POC5: variants seen among roughly 807,000 people sequenced by gnomAD.
The protein encoded by POC5 is POC5 centriolar protein.
A neutral mutation model predicts 62.9 loss-of-function variants in POC5; 48 were observed. The observed-to-expected ratio is 0.76, with a 90% CI of 0.61 to 0.97. The LOEUF is 0.97. Ranked by LOEUF, POC5 falls within the 50% of genes least tolerant of loss-of-function variation. POC5 has a pLI of 0.00. For missense variants in POC5, 696 were observed against 679.5 expected (o/e 1.02, Z -0.27); for synonymous variants, 236 against 228.2 (o/e 1.03, Z -0.31).
chr5:75,703,412 G>A (rs1776979279), intron 4 of POC5, among the ~76,000 whole-genome samples: 1 of 151,984 alleles, frequency 6.6e-6, no homozygotes, highest in Non-Finnish European at 1.5e-5. Context: ...TGAATCATGA[G>A]GTCCAGAGAT....
At chr5:75,692,829 C>T (rs992144843) in intron 6 of POC5, among the ~76,000 whole-genome samples, 1 of 151,956 alleles carries the variant, frequency 6.6e-6, no homozygotes, top group African/African-American at 2.4e-5. Flanking sequence ...CTCCTATATA[C>T]ACCATGTCTT....
chr5:75,679,573 G>GA (rs1775798064), intron 10 of POC5, among the ~76,000 whole-genome samples: 1 of 152,084 alleles, frequency 6.6e-6, no homozygotes, highest in South Asian at 2.1e-4. Flanking sequence ...GGAGAGTTTG[G>GA]AAATAATTCA....
chr5:75,690,733 G>A (rs940340470), intron 7 of POC5, among the ~76,000 whole-genome samples, 171 bp from the exon 8 acceptor site: 1 of 152,182 alleles, frequency 6.6e-6, no homozygotes, highest in African/African-American at 2.4e-5. Context: ...GGTTAAGCAA[G>A]CTACGTAGTT....
At chr5:75,682,128 G>T (rs542704059) in intron 10 of POC5, among the ~76,000 whole-genome samples, 3 of 152,346 alleles carry the variant, frequency 2.0e-5, no homozygotes, top group Admixed American at 2.0e-4. Context: ...GTGGGATAGG[G>T]CAGACAGGGA....
chr5:75,701,283 C>T (rs1487158798), intron 5 of POC5, among the ~76,000 whole-genome samples: 12,756 of 114,988 alleles, frequency 0.11, 903 homozygotes, highest in South Asian at 0.15. Flanking sequence ...ATGTTTATTG[C>T]GGCATTATTC....
intron 11 of POC5, among the ~76,000 whole-genome samples, chr5:75,674,835 G>A (rs748051494): frequency 4.6e-5 from 7 of 152,144 alleles, no homozygotes; most frequent in South Asian, 2.1e-4. Flanking sequence ...AGAAAGCCAC[G>A]GCAGCCATTC....
At chr5:75,694,351 A>T (rs1346002825) in intron 6 of POC5, among the ~76,000 whole-genome samples, 2 of 152,200 alleles carry the variant, frequency 1.3e-5, no homozygotes, top group South Asian at 2.1e-4. Flanking sequence ...TTTTAAAAAA[A>T]AATTTTTTTT....
chr5:75,694,813 G>A lies in POC5; in HGVS notation c.532C>T (p.Leu178=). The A allele has an allele frequency of 1.3e-6, 2 of 1,541,230 alleles. No homozygotes were observed. Among genetic ancestry groups the A allele is most frequent in the Non-Finnish European group, 1.8e-6 (2 of 1,130,160 alleles). ...ATAAAATTAAGTCTCCATTTACTTA[G>A]TTCAGATATGATGTTTGTCTGAAAA... The part of the protein sequence containing the change: ...SGLKTNIISE[L]SKWRLNFIDW... The change falls in exon 6 of 12, where the codon CTA becomes TTA. Residue 178 remains leucine, a synonymous_variant. Coordinates refer to ENST00000428202, the MANE Select transcript of POC5 (RefSeq NM_001099271.2).
chr5:75,704,605 C>A (rs1043781799), intron 4 of POC5, among the ~76,000 whole-genome samples: 10 of 152,164 alleles, frequency 6.6e-5, no homozygotes, highest in Non-Finnish European at 1.0e-4. Flanking sequence ...CCAACTAGAT[C>A]TGTACTCACA....
chr5:75,695,752 C>T (rs938516025), intron 5 of POC5, among the ~76,000 whole-genome samples: 3 of 152,156 alleles, frequency 2.0e-5, no homozygotes, highest in Non-Finnish European at 4.4e-5. Flanking sequence ...CAGCTCCCAG[C>T]GTGAGCAATG....
At position 75,685,578 on chromosome 5, in the gene POC5, T is replaced by C. The variant is rs147056738; in HGVS notation, c.1130-94A>G. 2.5e-3 allele frequency: 3,293 copies of C among 1,336,840 alleles called. 6 individuals are homozygous for C. The highest frequency in any genetic ancestry group is 2.8e-3 in the Non-Finnish European group (2,778 of 975,704). 82.8% of individuals were successfully genotyped at this position (1,336,840 alleles called of 1,614,324 possible). On this transcript the variant is annotated intron_variant, in intron 9 of 11. Transcript: ENST00000428202. ...AAAACACATACTGGCTAAAGTTTGG[T>C]CCTAACAAAAATTTAGATGTTTACA...
intron 1 of POC5, among the ~76,000 whole-genome samples, chr5:75,714,137 T>G (rs1002429561): frequency 2.6e-5 from 4 of 152,188 alleles, no homozygotes; most frequent in Admixed American, 6.5e-5. Flanking sequence ...CCTAGCACTT[T>G]GGGAGGCTGA....
At chr5:75,717,259 G>C (rs986008494) in intron 1 of POC5, 47 bp downstream of exon 1, 6 of 152,202 alleles carry the variant, frequency 3.9e-5, no homozygotes, top group African/African-American at 1.4e-4. Flanking sequence ...CACTACTTTC[G>C]CCAGGGATGC....
At chr5:75,716,832 G>A (rs1243073719) in intron 1 of POC5, among the ~76,000 whole-genome samples, 1 of 152,198 alleles carries the variant, frequency 6.6e-6, no homozygotes, top group African/African-American at 2.4e-5. Context: ...GAATTAACAT[G>A]CAAACTAGCA....
Position 75,685,200 on chromosome 5 carries a change from T to C in POC5, c.1407+7A>G. The stretch of plus-strand genomic sequence containing the variant: ...CATAAGGTGGGACCTGTATAAACTG[T>C]ACTAACCATTTCTTCTGATGCAGCA... On this transcript the variant is annotated splice_region_variant and intron_variant, in intron 10 of 11. Transcript: ENST00000428202. The C allele has an allele frequency of 1.3e-6, 2 of 1,599,624 alleles. No individual in the cohort carries two copies. Among genetic ancestry groups the C allele is most frequent in the South Asian group, 1.1e-5 (1 of 89,274 alleles).
intron 10 of POC5, among the ~76,000 whole-genome samples, chr5:75,683,980 A>AG (rs1775973258): frequency 6.6e-6 from 1 of 152,218 alleles, no homozygotes; most frequent in African/African-American, 2.4e-5. Flanking sequence ...CTGGGATTAC[A>AG]GGTGTGAGCC....
intron 10 of POC5, among the ~76,000 whole-genome samples, chr5:75,680,714 C>G (rs1775836363): frequency 6.6e-6 from 1 of 151,690 alleles, no homozygotes; most frequent in African/African-American, 2.4e-5. Context: ...GAAAGAAAAA[C>G]CTAGAAGGAT....
At chr5:75,716,383 T>TA (rs1347540875) in intron 1 of POC5, among the ~76,000 whole-genome samples, 2 of 50,360 alleles carry the variant, frequency 4.0e-5, no homozygotes, top group African/African-American at 7.2e-5. Flanking sequence ...GTAACAGGGG[T>TA]GGGGGGGGGG....
Position 75,707,862 on chromosome 5 carries a change from T to A in POC5, c.98A>T (p.Glu33Val). Residue 33 changes from glutamate to valine, a missense_variant, in exon 3 of 12, where the codon GAA becomes GTA. Transcript: ENST00000428202. ...AGTCACTATAGCATAATGAAGCAGT[T>A]CTTCATATTCTTCCTAAGAGAGGCC... ...VSSNLQEEYE[E>V]LLHYAIVTPN... The A allele has an allele frequency of 6.3e-7, 1 of 1,584,034 alleles. No homozygotes were observed. Among genetic ancestry groups the A allele is most frequent in the Non-Finnish European group, 8.6e-7 (1 of 1,160,022 alleles).
Sources: gnomAD v4.1 joint callset for allele counts (sites outside exome capture counted in the v4.1 genomes callset) on GRCh38, gnomAD v4.1.1 for gene constraint, MANE v1.5 for transcripts, NCBI Gene and HGNC (gene_info 2026-07-23, HGNC 2026-07-21) for gene names.